CACNA1E: variants seen among roughly 807,000 people sequenced by gnomAD.
CACNA1E encodes calcium voltage-gated channel subunit alpha1 E.
CACNA1E carries 40 observed loss-of-function variants against 259.2 expected under a neutral mutation model. The observed-to-expected ratio is 0.15, with a 90% confidence interval of 0.12 to 0.20. CACNA1E has a LOEUF of 0.20. Ranked by LOEUF, CACNA1E falls within the 10% of genes least tolerant of loss-of-function variation. CACNA1E has a pLI of 1.00. For synonymous variants in CACNA1E, 1,104 were observed against 1,138.5 expected, an observed-to-expected ratio of 0.97 and a Z score of 0.61; for missense variants, 1,874 against 3,040.1, an observed-to-expected ratio of 0.62 and a Z score of 9.02.
At chr1:181,527,495 A>T (rs1255313816) in intron 3 of CACNA1E, among the ~76,000 whole-genome samples, 1 of 152,242 alleles carries the variant, frequency 6.6e-6, no homozygotes, top group Non-Finnish European at 1.5e-5. Context: ...TTTATAGCTT[A>T]ATTTATCTTG....
rs918054217 is a variant in CACNA1E at position 181,804,329 on chromosome 1, T to C, written c.*5495T>C. 1.3e-5 allele frequency: 2 copies of C among 152,202 alleles called. No individual in the cohort carries two copies. The highest frequency in any genetic ancestry group is 2.9e-5 in the Non-Finnish European group (2 of 68,034). The allele number at this position is 152,202 out of a possible 1,614,324, so 9.4% of individuals were successfully genotyped here. A position where few individuals can be genotyped will look rare whatever the true frequency, so the allele number is the denominator to read the frequency against. ...TTGAGTCAAAAATCTGAGGTTATAG[T>C]ACCAGCTGTCTTTTCTCTCTGGTCT... On this transcript the variant is annotated 3_prime_UTR_variant, in exon 48 of 48. Coordinates refer to ENST00000367573, the MANE Select transcript of CACNA1E (RefSeq NM_001205293.3).
At chr1:181,711,846 C>T (rs980933170) in intron 8 of CACNA1E, among the ~76,000 whole-genome samples, 3 of 152,036 alleles carry the variant, frequency 2.0e-5, no homozygotes, top group Non-Finnish European at 2.9e-5. Flanking sequence ...GGGCAGCAAT[C>T]GTGTTTGACC....
intron 7 of CACNA1E, among the ~76,000 whole-genome samples, chr1:181,670,242 A>G (rs1382615695): frequency 1.3e-5 from 2 of 152,188 alleles, no homozygotes; most frequent in Non-Finnish European, 2.9e-5. Context: ...GGTGGCTGAA[A>G]TAATACCTCC....
Position 181,793,624 on chromosome 1 carries a change from G to A in CACNA1E, c.5899-41G>A, listed in dbSNP as rs75408623. The A allele has an allele frequency of 0.056, 88,516 of 1,594,508 alleles. 2,874 individuals carry two copies. Among genetic ancestry groups the A allele is most frequent in the South Asian group, 0.1 (9,122 of 87,274 alleles). On this transcript the variant is annotated intron_variant, in intron 44 of 47. Coordinates refer to ENST00000367573, the MANE Select transcript of CACNA1E (RefSeq NM_001205293.3). ...CACTGGACGTGAGAAGCAATGAGAT[G>A]GAACCAAGTCCCACAAGCTTGGCTG... is the stretch of plus-strand genomic sequence containing the variant.
At chr1:181,737,447 A>G in intron 22 of CACNA1E, 78 bp from the exon 23 acceptor site, 2 of 1,530,174 alleles carry the variant, frequency 1.3e-6, no homozygotes, top group Non-Finnish European at 1.8e-6. Context: ...AGGGGCCAAT[A>G]TGTGTATGTG....
intron 1 of CACNA1E, among the ~76,000 whole-genome samples, chr1:181,400,562 G>A (rs1401882923): frequency 1.3e-5 from 2 of 152,090 alleles, no homozygotes; most frequent in Non-Finnish European, 2.9e-5. Context: ...CATGAACCCT[G>A]TCTCCTCCTT....
At chr1:181,354,143 A>AC (rs1401397729) in intron 1 of CACNA1E, among the ~76,000 whole-genome samples, 1 of 129,052 alleles carries the variant, frequency 7.7e-6, no homozygotes, top group Non-Finnish European at 1.6e-5. Flanking sequence ...AGGGCAGAGG[A>AC]CTTTTTTTTT....
intron 7 of CACNA1E, among the ~76,000 whole-genome samples, chr1:181,658,286 C>G (rs1041311256): frequency 2.6e-5 from 4 of 152,182 alleles, no homozygotes; most frequent in African/African-American, 9.7e-5. Context: ...GGAATCACAT[C>G]TTTTCATTCT....
At chr1:181,339,633 C>T (rs1209117161) in intron 1 of CACNA1E, among the ~76,000 whole-genome samples, 2 of 150,700 alleles carry the variant, frequency 1.3e-5, no homozygotes, top group Non-Finnish European at 3.0e-5. Flanking sequence ...ATTTCCTTGC[C>T]TCCCTACTAA....
intron 3 of CACNA1E, among the ~76,000 whole-genome samples, chr1:181,519,821 A>G (rs557323893): frequency 6.6e-6 from 1 of 152,334 alleles, no homozygotes; most frequent in African/African-American, 2.4e-5. Flanking sequence ...TGGAATATAC[A>G]TGTGCAACTT....
At chr1:181,520,998 C>G (rs1055807136) in intron 3 of CACNA1E, among the ~76,000 whole-genome samples, 1 of 152,212 alleles carries the variant, frequency 6.6e-6, no homozygotes, top group African/African-American at 2.4e-5. Flanking sequence ...AGCCCTTGCA[C>G]AAAGGAGGGG....
chr1:181,602,951 C>G (rs901971816), intron 6 of CACNA1E, among the ~76,000 whole-genome samples: 1 of 152,196 alleles, frequency 6.6e-6, no homozygotes, highest in African/African-American at 2.4e-5. Context: ...GGTGGGGGAT[C>G]GGAATTGCCA....
In CACNA1E at chr1:181,715,384, C is replaced by T. The variant is rs1653792552; in HGVS notation, c.1218C>T (p.Ala406=). The T allele has an allele frequency of 1.3e-6, 2 of 1,589,862 alleles. No homozygotes were observed. Among genetic ancestry groups the T allele is most frequent in the Non-Finnish European group, 1.7e-6 (2 of 1,161,152 alleles). ...AEENKNAGTS[A]LEVLRRATIK... is the part of the protein sequence containing the mutation. The stretch of plus-strand genomic sequence containing the variant: ...AAAATAAAAATGCTGGAACATCCGC[C>T]TTAGAAGGTAAGGAAATGTTCTGAT... Residue 406 remains alanine (A), a synonymous_variant, in exon 9 of 48, where the codon GCC becomes GCT. Coordinates refer to ENST00000367573, the MANE Select transcript of CACNA1E (RefSeq NM_001205293.3).
chr1:181,330,153 G>A (rs1430897859), intron 1 of CACNA1E, among the ~76,000 whole-genome samples: 1 of 152,148 alleles, frequency 6.6e-6, no homozygotes, highest in East Asian at 1.9e-4. Context: ...AAGACCCAGG[G>A]TCTCAAAGGA....
intron 2 of CACNA1E, among the ~76,000 whole-genome samples, chr1:181,429,545 G>A (rs79273072): frequency 0.026 from 3,980 of 152,310 alleles, 179 homozygotes; most frequent in African/African-American, 0.09. Context: ...AAAGTCATTT[G>A]AATTAGTTTG....
chr1:181,370,861 C>T (rs1454026198), intron 1 of CACNA1E, among the ~76,000 whole-genome samples: 1 of 152,184 alleles, frequency 6.6e-6, no homozygotes, highest in African/African-American at 2.4e-5. Context: ...TTGCTTTCCA[C>T]TGTGGCTGAG....
chr1:181,438,085 A>G (rs1660211096), intron 2 of CACNA1E, among the ~76,000 whole-genome samples: 2 of 152,166 alleles, frequency 1.3e-5, no homozygotes, highest in South Asian at 4.1e-4. Flanking sequence ...AGATTATACT[A>G]AACAGTTAAG....
At chr1:181,539,499 T>C (rs1461639670) in intron 3 of CACNA1E, among the ~76,000 whole-genome samples, 1 of 152,184 alleles carries the variant, frequency 6.6e-6, no homozygotes, top group East Asian at 1.9e-4. Context: ...GGAAGGTTGA[T>C]CCAGCCAATC....
At chr1:181,338,362 G>T (rs193210801) in intron 1 of CACNA1E, among the ~76,000 whole-genome samples, 1 of 152,280 alleles carries the variant, frequency 6.6e-6, no homozygotes, top group East Asian at 1.9e-4. Context: ...TGGGATTACA[G>T]GAGTGAGCCA....
Sources: gnomAD v4.1 joint callset for allele counts (sites outside exome capture counted in the v4.1 genomes callset) on GRCh38, gnomAD v4.1.1 for gene constraint, MANE v1.5 for transcripts, NCBI Gene and HGNC (gene_info 2026-07-23, HGNC 2026-07-21) for gene names.